Variants in MYO9B observed in about 807,000 individuals in gnomAD.
MYO9B encodes myosin IXB, also known as unconventional myosin-IXb.
Under a neutral mutation model 229.5 loss-of-function variants are expected in MYO9B, and 71 were observed. That is an observed-to-expected ratio of 0.31 (90% CI 0.26 to 0.38). MYO9B has a LOEUF of 0.38. MYO9B is among the 10% of genes least tolerant of loss of function. The probability of loss-of-function intolerance (pLI) is 1.00; values close to 1 mark genes in which losing one functional copy is unlikely to be tolerated. For missense variants in MYO9B, 2,255 were observed against 2,920.5 expected, an observed-to-expected ratio of 0.77 and a Z score of 5.25; for synonymous variants, 1,185 against 1,235.8, an observed-to-expected ratio of 0.96 and a Z score of 0.86.
chr19:17,170,831 T>TAAAAAAAAA lies in MYO9B; in HGVS notation c.1794-1495_1794-1487dup, dbSNP rs548201494. Among the ~76,000 whole-genome samples, 6 of 120,866 alleles carry TAAAAAAAAA rather than the reference T, an allele frequency of 5.0e-5. 1 individual carries two copies. The Admixed American group carries it at 5.2e-4, about 11-fold the overall frequency. The allele number at this position is 120,866 out of a possible 152,430, so 79.3% of individuals were successfully genotyped here. A position where few individuals can be genotyped will look rare whatever the true frequency, so the allele number is the denominator to read the frequency against. On this transcript the variant is annotated intron_variant, in intron 11 of 39. Transcript: ENST00000682292. The stretch of plus-strand genomic sequence containing the variant: ...AGAGCAAGACCCCAGCTCTAAAAAT[T>TAAAAAAAAA]AAAAAAAAAAAAAAAAAAGTAGAGA...
intron 10 of MYO9B, among the ~76,000 whole-genome samples, chr19:17,167,473 ATTTTTT>A (rs36062777): frequency 0.018 from 2,056 of 117,408 alleles, 57 homozygotes; most frequent in African/African-American, 0.064. Context: ...TATTAGAGCT[ATTTTTT>A]TTTTTTTTTT....
At chr19:17,134,377 G>GTTTTTTTTTTTTTT (rs1568267173) in intron 2 of MYO9B, among the ~76,000 whole-genome samples, 6 of 39,726 alleles carry the variant, frequency 1.5e-4, no homozygotes, top group African/African-American at 5.7e-4. Context: ...TTTTCGTTTT[G>GTTTTTTTTTTTTTT]TTTGTTTTTT....
intron 11 of MYO9B, among the ~76,000 whole-genome samples, chr19:17,170,815 C>G (rs1419530917): frequency 7.1e-6 from 1 of 141,428 alleles, no homozygotes; most frequent in Non-Finnish European, 1.5e-5. Context: ...CAGAGCAAGA[C>G]CCCAGCTCTA....
chr19:17,189,610 C>A (rs1247920048), intron 19 of MYO9B, among the ~76,000 whole-genome samples: 5 of 151,826 alleles, frequency 3.3e-5, no homozygotes, highest in African/African-American at 9.7e-5. Flanking sequence ...CCAGCCTGGG[C>A]AAGACTCCGT....
intron 14 of MYO9B, among the ~76,000 whole-genome samples, chr19:17,178,766 C>T (rs1311595825): frequency 6.6e-6 from 1 of 152,088 alleles, no homozygotes; most frequent in African/African-American, 2.4e-5. Flanking sequence ...GGCGCAGTGG[C>T]TCACCCCTGT....
intron 2 of MYO9B, among the ~76,000 whole-genome samples, chr19:17,136,712 C>T (rs1465294247): frequency 6.6e-6 from 1 of 152,152 alleles, no homozygotes; most frequent in African/African-American, 2.4e-5. Flanking sequence ...CCAGGAAAGT[C>T]AACTTCACCA....
chr19:17,201,813 C>T (rs1190822925), intron 26 of MYO9B, 113 bp from the exon 27 acceptor site: 8 of 746,880 alleles, frequency 1.1e-5, no homozygotes, highest in Middle Eastern at 2.6e-4. Flanking sequence ...GATTTTATCC[C>T]GAGAGCCTAG....
chr19:17,168,616 G>A (rs563196145), intron 11 of MYO9B, among the ~76,000 whole-genome samples: 7 of 152,334 alleles, frequency 4.6e-5, no homozygotes, highest in African/African-American at 1.4e-4. Flanking sequence ...TTCAGCAAAG[G>A]ATTATGGGCC....
intron 2 of MYO9B, among the ~76,000 whole-genome samples, chr19:17,119,216 C>T (rs1423405367): frequency 6.6e-6 from 1 of 152,218 alleles, no homozygotes; most frequent in Non-Finnish European, 1.5e-5. Flanking sequence ...CACCATCATC[C>T]TTTTAAGTCC....
At chr19:17,104,051 A>G (rs1037735403) in intron 2 of MYO9B, among the ~76,000 whole-genome samples, 3 of 80,332 alleles carry the variant, frequency 3.7e-5, no homozygotes, top group African/African-American at 1.6e-4. Context: ...GCGAAACTCC[A>G]TCTCAAAAAA....
chr19:17,126,582 TG>T (rs2058021445), intron 2 of MYO9B, among the ~76,000 whole-genome samples: 1 of 152,156 alleles, frequency 6.6e-6, no homozygotes, highest in African/African-American at 2.4e-5. Flanking sequence ...TGTGGCTGTG[TG>T]CCAGGAAAAC....
In MYO9B at chr19:17,200,634, C is replaced by G; in HGVS notation, c.4373-5C>G. ...CCTCACCGGCTGCTTCCTGTCCCCC[C>G]TCAGCCCCCTCCGGACAGCAGCATC... On this transcript the variant is annotated splice_region_variant and splice_polypyrimidine_tract_variant and intron_variant, in intron 25 of 39. Coordinates refer to ENST00000682292, the MANE Select transcript of MYO9B (RefSeq NM_004145.4). 3.7e-6 allele frequency: 6 copies of G among 1,610,090 alleles called. No individual in the cohort carries two copies. The highest frequency in any genetic ancestry group is 5.1e-6 in the Non-Finnish European group (6 of 1,177,960).
intron 11 of MYO9B, among the ~76,000 whole-genome samples, chr19:17,170,311 A>C (rs2072708745): frequency 6.6e-6 from 1 of 152,054 alleles, no homozygotes; most frequent in Non-Finnish European, 1.5e-5. Context: ...GGTCACATTC[A>C]AAAGTTGGTG....
rs1252454809 is a variant in MYO9B, at chr19:17,193,356, G to A, written c.3128+294G>A. ...CGGTCAGGGAACACCTGGATTCAGGGTTGGAGGGGCTGCCTGGACCAGCCC... is the reference window on the plus strand; with the variant it reads ...CGGTCAGGGAACACCTGGATTCAGGATTGGAGGGGCTGCCTGGACCAGCCC... On this transcript the variant is annotated intron_variant, in intron 21 of 39. Transcript: ENST00000682292. This position sits in a 1 kb window ranked among gnomAD's most constrained non-coding sequence, Gnocchi z 4.3. Among the ~76,000 whole-genome samples the A allele has an allele frequency of 2.6e-5, 4 of 152,218 alleles. No homozygotes were observed. Among genetic ancestry groups the A allele is most frequent in the Non-Finnish European group, 4.4e-5 (3 of 68,038 alleles).
Position 17,194,707 on chromosome 19 carries a change from G to A in MYO9B, c.3280G>A (p.Gly1094Ser). 4.3e-6 allele frequency: 7 copies of A among 1,612,902 alleles called. No homozygotes were observed. Among genetic ancestry groups the A allele is most frequent in the Non-Finnish European group, 5.1e-6 (6 of 1,179,880 alleles). Residue 1094 changes from glycine to serine, a missense_variant, in exon 22 of 40, where the codon GGC becomes AGC. Transcript: ENST00000682292. ...AEQGPEPAEDGGHLASEPEVQ... is the reference protein window; with the variant it reads ...AEQGPEPAEDSGHLASEPEVQ... ...GCAGGGGCCGGAGCCAGCGGAGGAT[G>A]GCGGGCACCTGGCATCGGAGCCTGA...
At chr19:17,166,443 C>G (rs1282089391) in intron 10 of MYO9B, among the ~76,000 whole-genome samples, 1 of 151,742 alleles carries the variant, frequency 6.6e-6, no homozygotes, top group Non-Finnish European at 1.5e-5. Context: ...GTTTATGTAA[C>G]TATTAATGTA....
At chr19:17,086,177 C>A (rs1341170173) in intron 1 of MYO9B, among the ~76,000 whole-genome samples, 1 of 152,174 alleles carries the variant, frequency 6.6e-6, no homozygotes, top group Non-Finnish European at 1.5e-5. Context: ...GCTCCCCTGT[C>A]GGACTTGCAT....
At chr19:17,119,416 C>G (rs2057938480) in intron 2 of MYO9B, among the ~76,000 whole-genome samples, 1 of 152,164 alleles carries the variant, frequency 6.6e-6, no homozygotes, top group Non-Finnish European at 1.5e-5. Context: ...TGAGGAAGAG[C>G]CAGGAATGAG....
chr19:17,189,234 G>C (rs1466939466), intron 19 of MYO9B, among the ~76,000 whole-genome samples: 3 of 152,094 alleles, frequency 2.0e-5, no homozygotes, highest in African/African-American at 7.2e-5. Context: ...GCTGAGGTGA[G>C]AAGATCACTT....
Sources: gnomAD v4.1 joint callset for allele counts (sites outside exome capture counted in the v4.1 genomes callset) on GRCh38, gnomAD v4.1.1 for gene constraint, Gnocchi (gnomAD v3.1) non-coding constraint, MANE v1.5 for transcripts, NCBI Gene and HGNC (gene_info 2026-07-23, HGNC 2026-07-21) for gene names.